The following SLC13A2 variants were observed in gnomAD, a reference collection of about 807,000 sequenced individuals.
SLC13A2 encodes Na(+)-coupled citrate transporter.
A neutral mutation model predicts 58.5 loss-of-function variants in SLC13A2; 40 were observed. That is an observed-to-expected ratio of 0.68 (90% CI 0.53 to 0.89). The LOEUF is 0.89. Among genes scored for constraint, SLC13A2 ranks in the 40% least tolerant of loss-of-function variants. SLC13A2 has a pLI of 0.00. For missense variants in SLC13A2, 694 were observed against 772.6 expected (o/e 0.90, Z 1.21); for synonymous variants, 341 against 331.6 (o/e 1.03, Z -0.31).
rs576316706 is a variant in SLC13A2 at position 28,488,048 on chromosome 17, C to A, written c.103-1166C>A. Among the ~76,000 whole-genome samples, 8 of 152,258 alleles carry A rather than the reference C, an allele frequency of 5.3e-5. No individual in the cohort carries two copies. The East Asian group carries it at 1.5e-3, about 29-fold the overall frequency. On this transcript the variant is annotated intron_variant, in intron 1 of 11. Coordinates refer to ENST00000314669, the MANE Select transcript of SLC13A2 (RefSeq NM_003984.4). ...CTGAGCAAGCTGTTTACCCTCTGAG[C>A]TCATCTATAAGGTGGGACCCCCACA...
Position 28,497,207 on chromosome 17 carries a change from C to T in SLC13A2, c.1717C>T (p.Gln573Ter), listed in dbSNP as rs782096011. Residue 573 changes from glutamine to a stop codon, truncating the protein, a stop_gained, in exon 12 of 12, where the codon CAG (glutamine) becomes TAG (stop). Transcript: ENST00000314669. LOFTEE classifies it low-confidence loss of function (END_TRUNC). ...CCTGCACTCTTTCCCCTCCTGGGCA[C>T]AGTCCAACACCACAGCCCAGTGCCT... ...FSLHSFPSWA[Q>*]SNTTAQCLPS... 9 of 1,614,046 alleles carry T rather than the reference C, an allele frequency of 5.6e-6. No homozygotes were observed. Among genetic ancestry groups the T allele is most frequent in the Non-Finnish European group, 7.6e-6 (9 of 1,180,024 alleles).
At chr17:28,482,561 G>A (rs555448164) in intron 1 of SLC13A2, among the ~76,000 whole-genome samples, 1 of 152,280 alleles carries the variant, frequency 6.6e-6, no homozygotes, top group East Asian at 1.9e-4. Context: ...GCGTGTGGTA[G>A]TATCTGTGTA....
rs782270120 is a variant in SLC13A2 at position 28,493,706 on chromosome 17, C to A, written c.1014C>A (p.Ile338=). Residue 338 remains isoleucine (I), a synonymous_variant, in exon 7 of 12, where the codon ATC becomes ATA. Coordinates refer to ENST00000314669, the MANE Select transcript of SLC13A2 (RefSeq NM_003984.4). The part of the protein sequence containing the change: ...AEKAISILFV[I]LVLLWFTREP... ...AGGCCATCAGCATCCTATTCGTCAT[C>A]CTGGTGCTGCTCTGGTTCACCCGGG... The A allele has an allele frequency of 6.2e-6, 10 of 1,614,250 alleles. No individual in the cohort carries two copies. The highest frequency in any genetic ancestry group is 3.3e-5 in the Admixed American group (2 of 60,028).
chr17:28,483,809 A>G (rs2068829957), intron 1 of SLC13A2, among the ~76,000 whole-genome samples: 1 of 152,232 alleles, frequency 6.6e-6, no homozygotes, highest in Admixed American at 6.5e-5. Context: ...CTTACCAGAA[A>G]AGCTGAGAGA....
chr17:28,479,855 C>G (rs1459805383), intron 1 of SLC13A2, among the ~76,000 whole-genome samples: 1 of 152,050 alleles, frequency 6.6e-6, no homozygotes, highest in African/African-American at 2.4e-5. Flanking sequence ...CTTGTCTCCA[C>G]TAAAGATCAA....
intron 1 of SLC13A2, among the ~76,000 whole-genome samples, chr17:28,475,105 G>A (rs1555599666): frequency 6.6e-6 from 1 of 152,240 alleles, no homozygotes; most frequent in African/African-American, 2.4e-5. Context: ...GCTGGGGCAA[G>A]TGTGTTAACC....
intron 6 of SLC13A2, among the ~76,000 whole-genome samples, 198 bp from the exon 7 acceptor site, chr17:28,493,373 G>T (rs1555603876): frequency 6.6e-6 from 1 of 152,202 alleles, no homozygotes; most frequent in African/African-American, 2.4e-5. Flanking sequence ...GCAGGGCCAA[G>T]CATGGAGAAT....
chr17:28,475,021 G>C (rs2068647104), intron 1 of SLC13A2, among the ~76,000 whole-genome samples: 1 of 152,204 alleles, frequency 6.6e-6, no homozygotes, highest in Non-Finnish European at 1.5e-5. Flanking sequence ...GCTGACCTTT[G>C]AGATGACCTT....
chr17:28,495,635 C>T lies in SLC13A2; in HGVS notation c.1309-20C>T, dbSNP rs782240312. Reference sequence around the variant, plus strand: ...CCCAGGCAGCCTTGCCTCTCACATGCCATCCTCCTCTGCCCACAGCGATCG... The same window carrying T: ...CCCAGGCAGCCTTGCCTCTCACATGTCATCCTCCTCTGCCCACAGCGATCG... On this transcript the variant is annotated intron_variant, in intron 9 of 11. Transcript: ENST00000314669. 1 of 1,601,170 alleles carries T rather than the reference C, an allele frequency of 6.2e-7. No homozygotes were observed. The highest frequency in any genetic ancestry group is 8.5e-7 in the Non-Finnish European group (1 of 1,176,424).
chr17:28,474,034 G>A (rs545608996), intron 1 of SLC13A2, among the ~76,000 whole-genome samples: 1 of 152,252 alleles, frequency 6.6e-6, no homozygotes, highest in East Asian at 1.9e-4. Flanking sequence ...AATTACTTAG[G>A]TGGGTTTGCA....
chr17:28,488,381 A>G (rs1232212906), intron 1 of SLC13A2, among the ~76,000 whole-genome samples: 4 of 152,048 alleles, frequency 2.6e-5, no homozygotes, highest in Non-Finnish European at 4.4e-5. Context: ...GCCCCTGGAG[A>G]GGGGATACGG....
chr17:28,476,080 A>G (rs2068665114), intron 1 of SLC13A2, among the ~76,000 whole-genome samples: 1 of 152,214 alleles, frequency 6.6e-6, no homozygotes, highest in Non-Finnish European at 1.5e-5. Context: ...TTAGGCATCA[A>G]GAAATGCTTC....
intron 9 of SLC13A2, among the ~76,000 whole-genome samples, chr17:28,495,269 G>A (rs1490332420): frequency 1.3e-5 from 2 of 152,158 alleles, no homozygotes; most frequent in Non-Finnish European, 2.9e-5. Flanking sequence ...CCTGCCAGGA[G>A]CAAGGTTCCC....
At chr17:28,481,681 C>T (rs1367032870) in intron 1 of SLC13A2, among the ~76,000 whole-genome samples, 1 of 152,208 alleles carries the variant, frequency 6.6e-6, no homozygotes, top group Non-Finnish European at 1.5e-5. Flanking sequence ...CGTTTGACTT[C>T]TCGGCTGGTT....
chr17:28,495,719 C>G lies in SLC13A2; in HGVS notation c.1373C>G (p.Ala458Gly), dbSNP rs782057243. 9.9e-6 allele frequency: 16 copies of G among 1,612,804 alleles called. No homozygotes were observed. In the South Asian group the frequency reaches 1.5e-4, roughly 15 times the overall value. Residue 458 changes from alanine to glycine, a missense_variant, in exon 10 of 12, where the codon GCC becomes GGC. Ala to Gly is a moderately conservative substitution (Grantham distance 60). Coordinates refer to ENST00000314669, the MANE Select transcript of SLC13A2 (RefSeq NM_003984.4). ...CCACTGCAGAGTGTGCCAGCTCCAGCCATTGCCATCATCCTCTCCCTCCTG... is the reference window on the plus strand; with the variant it reads ...CCACTGCAGAGTGTGCCAGCTCCAGGCATTGCCATCATCCTCTCCCTCCTG... The part of the protein sequence containing the change: ...LTPLQSVPAP[A>G]IAIILSLLVA...
intron 6 of SLC13A2, among the ~76,000 whole-genome samples, chr17:28,493,306 C>T (rs967975901): frequency 1.3e-5 from 2 of 152,164 alleles, no homozygotes; most frequent in African/African-American, 4.8e-5. Context: ...CCTCCTCACC[C>T]TGGGCAAGGG....
chr17:28,490,492 CT>C lies in SLC13A2; in HGVS notation c.272del (p.Phe91SerfsTer34). On this transcript the variant is annotated frameshift_variant, in exon 3 of 12. Transcript: ENST00000314669. LOFTEE classifies it high-confidence loss of function. ...ATCTTAAGGACTCCAACCTCCTGTT[CT>C]TCGGGGGGCTGCTGGTGGCCATCGC... is the stretch of plus-strand genomic sequence containing the variant. ...EYLKDSNLLF[F>X]GGLLVAIAVE... 1.2e-6 allele frequency: 2 copies of C among 1,614,134 alleles called. No homozygotes were observed. The highest frequency in any genetic ancestry group is 1.7e-6 in the Non-Finnish European group (2 of 1,180,036).
intron 1 of SLC13A2, among the ~76,000 whole-genome samples, chr17:28,478,089 A>T (rs2068723773): frequency 1.3e-5 from 2 of 152,154 alleles, no homozygotes; most frequent in Non-Finnish European, 2.9e-5. Flanking sequence ...TATGTGTTAC[A>T]TGAGGTTACT....
chr17:28,481,526 G>A (rs1555601138), intron 1 of SLC13A2, among the ~76,000 whole-genome samples: 7 of 152,194 alleles, frequency 4.6e-5, no homozygotes, highest in Admixed American at 1.3e-4. Context: ...CAGCACCCCA[G>A]GTGACTGGTT....
Sources: gnomAD v4.1 joint callset for allele counts (sites outside exome capture counted in the v4.1 genomes callset) on GRCh38, gnomAD v4.1.1 for gene constraint, MANE v1.5 for transcripts, NCBI Gene and HGNC (gene_info 2026-07-23, HGNC 2026-07-21) for gene names.